SGCZ: variants seen among roughly 807,000 people sequenced by gnomAD.
SGCZ encodes sarcoglycan zeta.
A neutral mutation model predicts 41.3 loss-of-function variants in SGCZ; 40 were observed. The ratio of observed to expected loss-of-function variants is 0.97; its 90% CI spans 0.75 to 1.26. The LOEUF is 1.26. Among genes scored for constraint, SGCZ ranks in the 50% most tolerant of loss-of-function variants. The pLI is 0.00. For synonymous variants in SGCZ, 206 were observed against 137.5 expected, an observed-to-expected ratio of 1.50 and a Z score of -3.49; for missense variants, 552 against 369.8, an observed-to-expected ratio of 1.49 and a Z score of -4.04.
At chr8:14,107,965 T>C (rs532616824) in intron 6 of SGCZ, among the ~76,000 whole-genome samples, 198 bp downstream of exon 6, 1 of 152,148 alleles carries the variant, frequency 6.6e-6, no homozygotes, top group South Asian at 2.1e-4. Flanking sequence ...TTTTTATTAG[T>C]TCTTCTCACT....
At chr8:14,317,110 T>C (rs1485541815) in intron 3 of SGCZ, among the ~76,000 whole-genome samples, 2 of 152,046 alleles carry the variant, frequency 1.3e-5, no homozygotes, top group African/African-American at 4.8e-5. Context: ...CATACTCTCC[T>C]TGACAATAAT....
chr8:14,610,665 T>A (rs1805898595), intron 1 of SGCZ, among the ~76,000 whole-genome samples: 1 of 152,020 alleles, frequency 6.6e-6, no homozygotes, highest in Non-Finnish European at 1.5e-5. Context: ...TGCATAGAAG[T>A]GATGATGATA....
At chr8:14,955,105 AT>A (rs1406818268) in intron 1 of SGCZ, among the ~76,000 whole-genome samples, 4 of 152,042 alleles carry the variant, frequency 2.6e-5, no homozygotes, top group African/African-American at 7.3e-5. Flanking sequence ...TTCAATAGTA[AT>A]AATCATTCCC....
intron 1 of SGCZ, among the ~76,000 whole-genome samples, chr8:14,848,640 A>G (rs756702638): frequency 6.6e-6 from 1 of 152,208 alleles, no homozygotes; most frequent in Non-Finnish European, 1.5e-5. Flanking sequence ...ACTACTGGAT[A>G]ACCATATGTA....
At chr8:15,040,474 G>A (rs898332323) in intron 1 of SGCZ, among the ~76,000 whole-genome samples, 9 of 151,974 alleles carry the variant, frequency 5.9e-5, no homozygotes, top group African/African-American at 1.5e-4. Flanking sequence ...AAAATTAGCC[G>A]GGAGTGGTGG....
At chr8:14,260,772 C>A (rs1799634356) in intron 3 of SGCZ, among the ~76,000 whole-genome samples, 1 of 152,202 alleles carries the variant, frequency 6.6e-6, no homozygotes, top group Non-Finnish European at 1.5e-5. Context: ...CAGTCATAAA[C>A]AATGATGAGT....
intron 1 of SGCZ, among the ~76,000 whole-genome samples, chr8:14,819,890 C>T (rs1002984697): frequency 6.6e-6 from 1 of 151,878 alleles, no homozygotes; most frequent in Non-Finnish European, 1.5e-5. Context: ...AGAAAGGAAA[C>T]AAAGCTAGCT....
At chr8:14,193,422 G>A (rs1428120586) in intron 4 of SGCZ, among the ~76,000 whole-genome samples, 2 of 151,850 alleles carry the variant, frequency 1.3e-5, no homozygotes, top group Non-Finnish European at 2.9e-5. Flanking sequence ...GAGTATGTAT[G>A]TAACTGTGGC....
At chr8:14,740,746 A>T (rs1799177393) in intron 1 of SGCZ, among the ~76,000 whole-genome samples, 1 of 151,982 alleles carries the variant, frequency 6.6e-6, no homozygotes, top group African/African-American at 2.4e-5. Flanking sequence ...TAATTTGAGG[A>T]TCATCTCCCC....
At chr8:14,397,698 G>C (rs11984851) in intron 2 of SGCZ, among the ~76,000 whole-genome samples, 25,764 of 151,892 alleles carry the variant, frequency 0.17, 5,168 homozygotes, top group African/African-American at 0.48. Flanking sequence ...CAATATGAAG[G>C]GCAGGTGAAT....
chr8:15,014,034 G>A (rs975434837), intron 1 of SGCZ, among the ~76,000 whole-genome samples: 2 of 152,160 alleles, frequency 1.3e-5, no homozygotes, highest in Admixed American at 6.5e-5. Flanking sequence ...AATCCACTCA[G>A]TTTATCAGGA....
chr8:15,206,563 CT>C (rs1801074106), intron 1 of SGCZ, among the ~76,000 whole-genome samples: 1 of 151,818 alleles, frequency 6.6e-6, no homozygotes, highest in South Asian at 2.1e-4. Flanking sequence ...AATTCTCTGC[CT>C]CAGCCTCCGG....
At chr8:14,263,420 G>A (rs1465804530) in intron 3 of SGCZ, among the ~76,000 whole-genome samples, 1 of 151,942 alleles carries the variant, frequency 6.6e-6, no homozygotes, top group Admixed American at 6.6e-5. Flanking sequence ...GTGGAGGCAC[G>A]TGCCTGAAAT....
intron 2 of SGCZ, among the ~76,000 whole-genome samples, chr8:14,553,206 G>T (rs913524347): frequency 6.6e-6 from 1 of 151,986 alleles, no homozygotes; most frequent in Admixed American, 6.6e-5. Flanking sequence ...ATGATGGCTA[G>T]AGTTGTTGAT....
intron 3 of SGCZ, among the ~76,000 whole-genome samples, chr8:14,248,021 A>T (rs763044157): frequency 6.6e-6 from 1 of 152,232 alleles, no homozygotes; most frequent in Non-Finnish European, 1.5e-5. Flanking sequence ...CCAATGGATG[A>T]ATGGTTTAGC....
chr8:14,577,301 T>C (rs573751947), intron 1 of SGCZ, among the ~76,000 whole-genome samples: 1 of 152,188 alleles, frequency 6.6e-6, no homozygotes, highest in African/African-American at 2.4e-5. Context: ...TCAATTTTTA[T>C]CTGATCTGAC....
At chr8:14,360,364 T>G (rs28784596) in intron 2 of SGCZ, among the ~76,000 whole-genome samples, 12,694 of 151,972 alleles carry the variant, frequency 0.084, 1,607 homozygotes, top group African/African-American at 0.27. Context: ...GACAGTGTCT[T>G]GCTCTATCAC....
At chr8:14,880,306 G>C (rs1030551479) in intron 1 of SGCZ, among the ~76,000 whole-genome samples, 2 of 152,140 alleles carry the variant, frequency 1.3e-5, no homozygotes, top group Admixed American at 6.6e-5. Context: ...AGAAACAACA[G>C]GTGCTGGAGA....
intron 2 of SGCZ, among the ~76,000 whole-genome samples, chr8:14,429,593 AAATATCTT>A (rs1799885651): frequency 6.6e-6 from 1 of 152,178 alleles, no homozygotes; most frequent in Non-Finnish European, 1.5e-5. Flanking sequence ...CCTTATTTGT[AAATATCTT>A]CTTTGCAGAT....
Sources: allele counts gnomAD v4.1 joint callset (sites outside exome capture counted in the v4.1 genomes callset), GRCh38; gene constraint gnomAD v4.1.1; transcripts MANE v1.5; gene names NCBI Gene and HGNC (gene_info 2026-07-23, HGNC 2026-07-21).